The following SMG6 variants were observed in gnomAD, a reference collection of about 807,000 sequenced individuals.
SMG6 encodes telomerase-binding protein EST1A.
In SMG6, 66 loss-of-function variants were observed where a neutral mutation model predicts 142.2. That is an observed-to-expected ratio of 0.46 (90% CI 0.38 to 0.57). The LOEUF is 0.57. Ranked by LOEUF, SMG6 falls within the 20% of genes least tolerant of loss-of-function variation. The probability of loss-of-function intolerance (pLI) is 0.00; values close to 1 mark genes in which losing one functional copy is unlikely to be tolerated. For synonymous variants in SMG6, 779 were observed against 702.4 expected (o/e 1.11, Z -1.72); for missense variants, 1,793 against 1,832.0 (o/e 0.98, Z 0.39).
At chr17:2,242,692 A>T (rs1457357034) in intron 9 of SMG6, among the ~76,000 whole-genome samples, 3 of 74,016 alleles carry the variant, frequency 4.1e-5, no homozygotes, top group Non-Finnish European at 5.8e-5. Context: ...ATCTCTTTAA[A>T]AAAAAAAAAA....
chr17:2,186,865 TCTG>T (rs2072004949), intron 11 of SMG6, 34 bp from the exon 12 acceptor site: 1 of 1,607,852 alleles, frequency 6.2e-7, no homozygotes, highest in Non-Finnish European at 8.5e-7. Flanking sequence ...TGGGCCTATG[TCTG>T]CTGTAGCCCC....
chr17:2,167,404 G>A (rs9894215), intron 13 of SMG6, among the ~76,000 whole-genome samples: 53,062 of 151,954 alleles, frequency 0.35, 10,030 homozygotes, highest in African/African-American at 0.5. Flanking sequence ...GAGATCTAAT[G>A]TATCAGGACA....
intron 10 of SMG6, among the ~76,000 whole-genome samples, chr17:2,223,840 T>A (rs954081224): frequency 6.6e-6 from 1 of 152,064 alleles, no homozygotes. Context: ...AAGAAACTAA[T>A]CTTTGGAAGA....
chr17:2,225,624 C>T lies in SMG6; in HGVS notation c.2869+10868G>A, dbSNP rs937540328. ...GGGTTTAAAAGGAAAAAAGAATATA[C>T]ATGACAACGATGGCATGCAAATTGG... On this transcript the variant is annotated intron_variant, in intron 10 of 18. Coordinates refer to ENST00000263073, the MANE Select transcript of SMG6 (RefSeq NM_017575.5). Among the ~76,000 whole-genome samples the T allele has an allele frequency of 3.3e-5, 5 of 152,218 alleles. No homozygotes were observed. In the East Asian group the frequency reaches 5.8e-4, roughly 18 times the overall value.
Position 2,076,943 on chromosome 17 carries a change from G to A in SMG6, c.3681+4867C>T, listed in dbSNP as rs747125197. On this transcript the variant is annotated intron_variant, in intron 15 of 18. Coordinates refer to ENST00000263073, the MANE Select transcript of SMG6 (RefSeq NM_017575.5). ...GCAGCCTGGACAGGGCCCACCAGGC[G>A]CACGGGAAGTCAAGCGTTGGAGGAG... Among the ~76,000 whole-genome samples, 12 of 152,344 alleles carry A rather than the reference G, an allele frequency of 7.9e-5. No individual in the cohort carries two copies. The East Asian group carries it at 1.5e-3, about 20-fold the overall frequency.
At chr17:2,269,460 A>T (rs201575447) in intron 8 of SMG6, among the ~76,000 whole-genome samples, 33,398 of 86,504 alleles carry the variant, frequency 0.39, 4,761 homozygotes, top group East Asian at 0.66. Context: ...CTATACATTA[A>T]AAAAAAAAAA....
At chr17:2,187,306 C>T (rs2151689906) in intron 11 of SMG6, among the ~76,000 whole-genome samples, 1 of 152,306 alleles carries the variant, frequency 6.6e-6, no homozygotes, top group East Asian at 1.9e-4. Context: ...ATTAAAGAGA[C>T]ACGATGATAT....
chr17:2,254,542 C>T (rs2074120805), intron 8 of SMG6, among the ~76,000 whole-genome samples: 1 of 152,098 alleles, frequency 6.6e-6, no homozygotes, highest in South Asian at 2.1e-4. Flanking sequence ...GCCATGTTGT[C>T]CAGGCTGGTC....
In SMG6 at chr17:2,085,921, G is replaced by C; in HGVS notation, c.3358-20C>G. On this transcript the variant is annotated intron_variant, in intron 13 of 18. Transcript: ENST00000263073. This position sits in a 1 kb window ranked among gnomAD's most constrained non-coding sequence, Gnocchi z 4.1. ...AATAACCTACAGGGTGAGAGGGAGAGAAGAAAAACAGCATTTTCTGAAAGG... is the reference window on the plus strand; with the variant it reads ...AATAACCTACAGGGTGAGAGGGAGACAAGAAAAACAGCATTTTCTGAAAGG... 1 of 1,611,272 alleles carries C rather than the reference G, an allele frequency of 6.2e-7. No homozygotes were observed. The highest frequency in any genetic ancestry group is 1.1e-5 in the South Asian group (1 of 90,742).
At chr17:2,295,004 G>C (rs889200231) in intron 4 of SMG6, among the ~76,000 whole-genome samples, 4 of 152,038 alleles carry the variant, frequency 2.6e-5, no homozygotes, top group African/African-American at 4.8e-5. Context: ...AGCCTCCTGA[G>C]TAGCTGGGAT....
chr17:2,255,403 C>CAAAAAAAA lies in SMG6; in HGVS notation c.2662-10692_2662-10685dup, dbSNP rs60136702. Among the ~76,000 whole-genome samples, 24 of 73,574 alleles carry CAAAAAAAA rather than the reference C, an allele frequency of 3.3e-4. 1 individual carries two copies. The highest frequency in any genetic ancestry group is 4.9e-4 in the Non-Finnish European group (19 of 38,604). 48.3% of individuals were successfully genotyped at this position (73,574 alleles called of 152,430 possible). On this transcript the variant is annotated intron_variant, in intron 8 of 18. Transcript: ENST00000263073. Reference sequence around the variant, plus strand: ...TGGGCGACAGAGCGAGACTCCGTCTCAAAAAAAAAAAAAAAAAAAAAAAAA... The same window carrying CAAAAAAAA: ...TGGGCGACAGAGCGAGACTCCGTCTCAAAAAAAAAAAAAAAAAAAAAAAAAAAAAAAAA...
rs534982320 is a variant in SMG6 at position 2,189,321 on chromosome 17, T to C, written c.2870-806A>G. On this transcript the variant is annotated intron_variant, in intron 10 of 18. Coordinates refer to ENST00000263073, the MANE Select transcript of SMG6 (RefSeq NM_017575.5). ...GAATTATTCTTTGGTGGGAGCTATG[T>C]GGCATACTCCCAAAAGCCTGCCTGT... is the stretch of plus-strand genomic sequence containing the variant. 5.9e-5 allele frequency among the ~76,000 whole-genome samples: 9 copies of C among 152,332 alleles called. No individual in the cohort carries two copies. The South Asian group carries it at 1.9e-3, about 32-fold the overall frequency.
intron 13 of SMG6, among the ~76,000 whole-genome samples, chr17:2,143,917 G>A (rs1247266458): frequency 2.0e-5 from 3 of 152,040 alleles, no homozygotes; most frequent in Admixed American, 6.6e-5. Context: ...TATTTAAAGT[G>A]TACAATTTGA....
chr17:2,063,407 A>C (rs2067842057), intron 18 of SMG6, among the ~76,000 whole-genome samples: 2 of 152,218 alleles, frequency 1.3e-5, no homozygotes, highest in Admixed American at 1.3e-4. Context: ...ACACTGACAA[A>C]TGGGCTTTGA....
Position 2,300,126 on chromosome 17 carries a change from T to C in SMG6, c.627A>G (p.Val209=). 1 of 1,614,126 alleles carries C rather than the reference T, an allele frequency of 6.2e-7. No homozygotes were observed. The highest frequency in any genetic ancestry group is 1.1e-5 in the South Asian group (1 of 91,088). Residue 209 remains valine, a synonymous_variant, in exon 2 of 19, where the codon GTA becomes GTG. Coordinates refer to ENST00000263073, the MANE Select transcript of SMG6 (RefSeq NM_017575.5). ...EIEKSPGGGR[V]GAAKGEKGKR... ...TTCCTTTTTCTCCTTTTGCAGCCCC[T>C]ACTCTCCCACCACCTGGGCTCTTTT... is the stretch of plus-strand genomic sequence containing the variant.
Position 2,218,822 on chromosome 17 carries a change from C to T in SMG6, c.2869+17670G>A, listed in dbSNP as rs145682689. ...CGAGAGTGAACCCTAATGTAAACTA[C>T]GAACTTTGGGTGATGATGTGTCAAT... On this transcript the variant is annotated intron_variant, in intron 10 of 18. Transcript: ENST00000263073. Among the ~76,000 whole-genome samples the T allele has an allele frequency of 1.6e-4, 24 of 152,144 alleles. No individual in the cohort carries two copies. The East Asian group carries it at 3.5e-3, about 22-fold the overall frequency.
intron 8 of SMG6, among the ~76,000 whole-genome samples, chr17:2,245,765 C>A (rs1157682777): frequency 1.3e-5 from 2 of 152,212 alleles, no homozygotes; most frequent in African/African-American, 4.8e-5. Context: ...ACTGCAACCT[C>A]AACCTCCTGG....
At position 2,300,500 on chromosome 17, in the gene SMG6, A is replaced by G. The variant is rs200718307; in HGVS notation, c.253T>C (p.Ser85Pro). Residue 85 changes from serine (S) to proline (P), a missense_variant, in exon 2 of 19, where the codon TCT becomes CCT. Physicochemically the swap from Ser to Pro is moderately conservative, Grantham distance 74 (BLOSUM62 -1). Around this residue, in one of 3 missense-constraint regions of SMG6, gnomAD observed 1,597 missense variants for 1,584.6 expected, o/e 1.01. Transcript: ENST00000263073. Reference sequence around the variant, plus strand: ...GGCTGTGTACCATTTTCAACAGCAGAGCAATCTCGGTCATTAACAATTTCA... The same window carrying G: ...GGCTGTGTACCATTTTCAACAGCAGGGCAATCTCGGTCATTAACAATTTCA... ...KDEIVNDRDC[S>P]AVENGTQPVK... 1 of 1,614,178 alleles carries G rather than the reference A, an allele frequency of 6.2e-7. No individual in the cohort carries two copies. The highest frequency in any genetic ancestry group is 8.5e-7 in the Non-Finnish European group (1 of 1,180,032).
At chr17:2,088,182 G>C in intron 13 of SMG6, 1 of 985,402 alleles carries the variant, frequency 1.0e-6, no homozygotes, top group Non-Finnish European at 1.2e-6. Context: ...ACAGACAGGC[G>C]GGCAGGAGTG....
Sources: allele counts gnomAD v4.1 joint callset (sites outside exome capture counted in the v4.1 genomes callset), GRCh38; gene constraint gnomAD v4.1.1; regional missense constraint gnomAD v4.1.1; non-coding constraint Gnocchi (gnomAD v3.1); transcripts MANE v1.5; gene names NCBI Gene and HGNC (gene_info 2026-07-23, HGNC 2026-07-21).